Variants in SRPK2 observed in about 807,000 individuals in gnomAD.
The protein encoded by SRPK2 is SFRS protein kinase 2.
Under a neutral mutation model 90.8 loss-of-function variants are expected in SRPK2, and 21 were observed. The observed-to-expected ratio is 0.23, with a 90% CI of 0.16 to 0.33. The LOEUF is 0.33. Among genes scored for constraint, SRPK2 ranks in the 10% least tolerant of loss-of-function variants. The pLI is 1.00. For synonymous variants in SRPK2, 288 were observed against 311.1 expected, an observed-to-expected ratio of 0.93 and a Z score of 0.78; for missense variants, 620 against 869.0, an observed-to-expected ratio of 0.71 and a Z score of 3.60.
chr7:105,359,925 G>A (rs1299485387), intron 2 of SRPK2, among the ~76,000 whole-genome samples: 1 of 152,096 alleles, frequency 6.6e-6, no homozygotes, highest in African/African-American at 2.4e-5. Flanking sequence ...TCAAGTCCTG[G>A]ATATCCTCGT....
intron 2 of SRPK2, among the ~76,000 whole-genome samples, chr7:105,352,886 C>T (rs896257719): frequency 6.6e-6 from 1 of 151,114 alleles, no homozygotes; most frequent in Non-Finnish European, 1.5e-5. Context: ...GGTGACAGAG[C>T]GAGACTCTAT....
At chr7:105,270,410 CTTTTT>C (rs34076915) in intron 2 of SRPK2, among the ~76,000 whole-genome samples, 4 of 141,418 alleles carry the variant, frequency 2.8e-5, no homozygotes, top group Non-Finnish European at 3.1e-5. Context: ...CTCCTCTGCC[CTTTTT>C]TTTTTTTTTT....
intron 2 of SRPK2, among the ~76,000 whole-genome samples, chr7:105,300,945 G>C (rs753040667): frequency 1.3e-5 from 2 of 152,182 alleles, no homozygotes; most frequent in Non-Finnish European, 2.9e-5. Context: ...CAACCGTCGT[G>C]GAAGACAGTG....
At position 105,290,525 on chromosome 7, in the gene SRPK2, A is replaced by G. The variant is rs79400226; in HGVS notation, c.72-86740T>C. 2.8e-3 allele frequency among the ~76,000 whole-genome samples: 425 copies of G among 152,200 alleles called. 11 individuals are homozygous for G. In the East Asian group the frequency reaches 0.054, roughly 19 times the overall value. On this transcript the variant is annotated intron_variant, in intron 2 of 15. Coordinates refer to ENST00000393651, the MANE Select transcript of SRPK2 (RefSeq NM_182692.3). The stretch of plus-strand genomic sequence containing the variant: ...AAAAACAAACAAAAACAAAAACCAC[A>G]ATATTAGCAAAGTGCAACAAAATGA...
chr7:105,331,147 T>C (rs1814271201), intron 2 of SRPK2, among the ~76,000 whole-genome samples: 1 of 151,622 alleles, frequency 6.6e-6, no homozygotes, highest in African/African-American at 2.4e-5. Flanking sequence ...ACCAAAAATA[T>C]TTTTTTAAAA....
In SRPK2 at chr7:105,181,905, A is replaced by C. The variant is rs1357230796; in HGVS notation, c.230-12640T>G. On this transcript the variant is annotated intron_variant, in intron 3 of 15. Transcript: ENST00000393651. ...GTAAAAAAAAAAAAAAACAGAAAAC[A>C]CACACACAAAAACCAAATGTAGGCT... 3.4e-3 allele frequency among the ~76,000 whole-genome samples: 441 copies of C among 128,972 alleles called. 6 individuals are homozygous for C. Among genetic ancestry groups the C allele is most frequent in the African/African-American group, 0.011 (410 of 37,508 alleles). 84.6% of individuals were successfully genotyped at this position (128,972 alleles called of 152,430 possible). A position where few individuals can be genotyped will look rare whatever the true frequency, so the allele number is the denominator to read the frequency against.
At chr7:105,207,583 A>G (rs1796368603) in intron 2 of SRPK2, among the ~76,000 whole-genome samples, 1 of 152,252 alleles carries the variant, frequency 6.6e-6, no homozygotes, top group Admixed American at 6.5e-5. Flanking sequence ...AAATGGTAAA[A>G]GAATAGTCTT....
intron 2 of SRPK2, among the ~76,000 whole-genome samples, chr7:105,371,939 T>C (rs1158843011): frequency 1.3e-5 from 2 of 151,790 alleles, no homozygotes; most frequent in African/African-American, 4.8e-5. Context: ...TCGAGACCAT[T>C]CTGGCTATCA....
At chr7:105,287,282 AAAGAAG>A (rs770082066) in intron 2 of SRPK2, among the ~76,000 whole-genome samples, 1 of 53,854 alleles carries the variant, frequency 1.9e-5, no homozygotes, top group South Asian at 8.3e-4. Context: ...AAAAAAAAAA[AAAGAAG>A]AAAAGGATGC....
intron 3 of SRPK2, among the ~76,000 whole-genome samples, chr7:105,180,551 T>A (rs1207994498): frequency 1.3e-5 from 2 of 151,918 alleles, no homozygotes; most frequent in Non-Finnish European, 2.9e-5. Flanking sequence ...AGGTTGGGAG[T>A]TCGAGACCAG....
chr7:105,359,252 G>C (rs1458153569), intron 2 of SRPK2, among the ~76,000 whole-genome samples: 1 of 144,696 alleles, frequency 6.9e-6, no homozygotes, highest in Admixed American at 7.4e-5. Context: ...TCTGCCTCCC[G>C]GGTTCAAGCA....
intron 2 of SRPK2, among the ~76,000 whole-genome samples, chr7:105,310,829 A>G (rs548709268): frequency 1.3e-5 from 2 of 152,294 alleles, no homozygotes; most frequent in Admixed American, 6.5e-5. Context: ...CATATCTATT[A>G]TAAGTCTACT....
chr7:105,141,247 T>G (rs904660740), intron 11 of SRPK2, among the ~76,000 whole-genome samples: 1 of 152,202 alleles, frequency 6.6e-6, no homozygotes, highest in Non-Finnish European at 1.5e-5. Context: ...AATGTCGGGC[T>G]GTTTGCAGGG....
chr7:105,258,245 C>T (rs1563156756), intron 2 of SRPK2, among the ~76,000 whole-genome samples: 1 of 151,592 alleles, frequency 6.6e-6, no homozygotes, highest in Non-Finnish European at 1.5e-5. Flanking sequence ...GATGAAGCCC[C>T]ATCTCTACTA....
chr7:105,147,523 A>G lies in SRPK2; in HGVS notation c.622-865T>C, dbSNP rs1057278943. Among the ~76,000 whole-genome samples the G allele has an allele frequency of 6.6e-5, 10 of 151,854 alleles. No individual in the cohort carries two copies. The East Asian group carries it at 1.9e-3, about 30-fold the overall frequency. On this transcript the variant is annotated intron_variant, in intron 7 of 15. Coordinates refer to ENST00000393651, the MANE Select transcript of SRPK2 (RefSeq NM_182692.3). ...TTTAGTAGAGACGGGGTTTTACCATATTGGCCAGTGGTCTCGAACTCCTGA... is the reference window on the plus strand; with the variant it reads ...TTTAGTAGAGACGGGGTTTTACCATGTTGGCCAGTGGTCTCGAACTCCTGA...
intron 2 of SRPK2, among the ~76,000 whole-genome samples, chr7:105,271,631 G>A (rs1269366566): frequency 6.6e-6 from 1 of 152,078 alleles, no homozygotes; most frequent in Non-Finnish European, 1.5e-5. Context: ...GGGGTACCTG[G>A]ATGTCCATAC....
intron 2 of SRPK2, among the ~76,000 whole-genome samples, chr7:105,219,296 G>A (rs1038601015): frequency 6.6e-6 from 1 of 152,104 alleles, no homozygotes; most frequent in Admixed American, 6.6e-5. Context: ...AATCAGACCA[G>A]GATCTTAGTC....
chr7:105,355,353 T>TGGCACC (rs1419504752), intron 2 of SRPK2, among the ~76,000 whole-genome samples: 2,379 of 152,076 alleles, frequency 0.016, 64 homozygotes, highest in African/African-American at 0.053. Context: ...AAATTTTTTT[T>TGGCACC]TCATTAGCAA....
intron 3 of SRPK2, among the ~76,000 whole-genome samples, chr7:105,195,781 T>G (rs935579472): frequency 1.3e-5 from 2 of 152,250 alleles, no homozygotes; most frequent in African/African-American, 4.8e-5. Flanking sequence ...TCACTTATTA[T>G]TAACGAACCA....
Sources: allele counts gnomAD v4.1 joint callset (sites outside exome capture counted in the v4.1 genomes callset), GRCh38; gene constraint gnomAD v4.1.1; transcripts MANE v1.5; gene names NCBI Gene and HGNC (gene_info 2026-07-23, HGNC 2026-07-21).